The following HIP1 variants were observed in gnomAD, a reference collection of about 807,000 sequenced individuals.
HIP1 encodes the protein huntingtin interacting protein 1, also known as huntingtin-interacting protein 1.
A neutral mutation model predicts 147.6 loss-of-function variants in HIP1; 65 were observed. The observed-to-expected ratio is 0.44, with a 90% CI of 0.36 to 0.54. HIP1 has a LOEUF of 0.54. Among genes scored for constraint, HIP1 ranks in the 20% least tolerant of loss-of-function variants. The pLI, the probability that HIP1 is intolerant of heterozygous loss-of-function variation, is 0.00. For synonymous variants in HIP1, 479 were observed against 504.0 expected (o/e 0.95, Z 0.67); for missense variants, 1,061 against 1,299.6 (o/e 0.82, Z 2.82).
At chr7:75,580,956 G>C (rs1396096425) in intron 7 of HIP1, among the ~76,000 whole-genome samples, 1 of 152,124 alleles carries the variant, frequency 6.6e-6, no homozygotes, top group Non-Finnish European at 1.5e-5. Flanking sequence ...TGGCCAGGCT[G>C]GTCTTGAACT....
chr7:75,714,101 G>A (rs1205131743), intron 1 of HIP1, among the ~76,000 whole-genome samples: 10 of 146,114 alleles, frequency 6.8e-5, no homozygotes, highest in East Asian at 2.1e-4. Flanking sequence ...GTGCAGTGGC[G>A]CCATCTTGGC....
At chr7:75,615,950 A>G (rs71560478) in intron 1 of HIP1, among the ~76,000 whole-genome samples, 22,759 of 150,896 alleles carry the variant, frequency 0.15, 2,125 homozygotes, top group African/African-American at 0.24. Context: ...GCTGGGTGTG[A>G]TGGTGCGCAC....
intron 4 of HIP1, among the ~76,000 whole-genome samples, chr7:75,590,062 A>C (rs1219152346): frequency 1.3e-5 from 2 of 152,144 alleles, no homozygotes; most frequent in Non-Finnish European, 2.9e-5. Flanking sequence ...AAGCAAACAC[A>C]GTGTCAGCCA....
intron 21 of HIP1, 39 bp downstream of exon 21, chr7:75,554,074 C>T: frequency 1.3e-6 from 2 of 1,510,588 alleles, no homozygotes; most frequent in Admixed American, 3.4e-5. Context: ...CCCCCTGCTC[C>T]CCTGGTCCAT....
At chr7:75,714,966 C>T (rs1801271470) in intron 1 of HIP1, among the ~76,000 whole-genome samples, 1 of 152,242 alleles carries the variant, frequency 6.6e-6, no homozygotes, top group African/African-American at 2.4e-5. Context: ...GTTCCTTAGC[C>T]TTTCCTGCTC....
intron 1 of HIP1, among the ~76,000 whole-genome samples, chr7:75,633,582 G>A (rs781955200): frequency 6.6e-6 from 1 of 152,186 alleles, no homozygotes; most frequent in East Asian, 1.9e-4. Flanking sequence ...GTGAGCCACC[G>A]CGCACCTGGC....
At chr7:75,636,598 T>C (rs1798436826) in intron 1 of HIP1, among the ~76,000 whole-genome samples, 1 of 152,116 alleles carries the variant, frequency 6.6e-6, no homozygotes, top group South Asian at 2.1e-4. Context: ...CAGACACCAA[T>C]TCCCCAGGGT....
At chr7:75,623,639 GAC>G (rs1554507559) in intron 1 of HIP1, among the ~76,000 whole-genome samples, 1 of 152,202 alleles carries the variant, frequency 6.6e-6, no homozygotes. Flanking sequence ...TGCACTCAAG[GAC>G]CAGGCAAGTG....
chr7:75,578,584 A>T (rs1795925511), intron 7 of HIP1, among the ~76,000 whole-genome samples: 1 of 152,142 alleles, frequency 6.6e-6, no homozygotes, highest in Non-Finnish European at 1.5e-5. Flanking sequence ...AGGCTGAGGT[A>T]GGAGGATGGC....
At position 75,558,539 on chromosome 7, in the gene HIP1, G is replaced by A. The variant is rs75339823; in HGVS notation, c.1376-284C>T. ...AGACAGGGTCTCACTATGTTTTCCAGGCTGGTTTCAAACTCCTGGGCTCAG... is the reference window on the plus strand; with the variant it reads ...AGACAGGGTCTCACTATGTTTTCCAAGCTGGTTTCAAACTCCTGGGCTCAG... On this transcript the variant is annotated intron_variant, in intron 14 of 30. Transcript: ENST00000336926. Among the ~76,000 whole-genome samples the A allele has an allele frequency of 1.9e-4, 29 of 152,260 alleles. No homozygotes were observed. In the East Asian group the frequency reaches 5.2e-3, roughly 27 times the overall value.
At chr7:75,603,010 C>T (rs1180419310) in intron 1 of HIP1, among the ~76,000 whole-genome samples, 2 of 151,748 alleles carry the variant, frequency 1.3e-5, no homozygotes, top group Non-Finnish European at 2.9e-5. Flanking sequence ...AGTCTACAAG[C>T]CAAGGAATGC....
chr7:75,582,698 T>C (rs1196977854), intron 5 of HIP1, among the ~76,000 whole-genome samples: 3 of 152,062 alleles, frequency 2.0e-5, no homozygotes, highest in African/African-American at 7.2e-5. Flanking sequence ...TAGTCCCAGC[T>C]CCTTGGGAGG....
chr7:75,560,010 T>C, intron 13 of HIP1, 95 bp from the exon 14 acceptor site: 1 of 1,228,460 alleles, frequency 8.1e-7, no homozygotes, highest in Non-Finnish European at 1.1e-6. Context: ...TCCAAGTAAA[T>C]ACCTGATTCC....
At chr7:75,653,423 C>T (rs76058166) in intron 1 of HIP1, among the ~76,000 whole-genome samples, 5,084 of 151,716 alleles carry the variant, frequency 0.034, 139 homozygotes, top group East Asian at 0.16. Flanking sequence ...GAGGCTGAGG[C>T]GGGAGGATTG....
intron 1 of HIP1, among the ~76,000 whole-genome samples, chr7:75,607,589 T>A (rs1797279254): frequency 7.0e-6 from 1 of 143,354 alleles, no homozygotes; most frequent in Admixed American, 7.1e-5. Context: ...TAGTCCCAGG[T>A]ACTTGGGAGG....
chr7:75,650,453 C>CTT (rs782108312), intron 1 of HIP1, among the ~76,000 whole-genome samples: 7 of 126,530 alleles, frequency 5.5e-5, no homozygotes, highest in Middle Eastern at 4.8e-3. Context: ...GCCCAGTTAT[C>CTT]TTTTTTTTTT....
At chr7:75,544,321 C>T (rs56151856) in intron 27 of HIP1, among the ~76,000 whole-genome samples, 1 of 152,192 alleles carries the variant, frequency 6.6e-6, no homozygotes, top group Admixed American at 6.5e-5. Flanking sequence ...ACTATCTAAC[C>T]TAGCCAAGTA....
intron 1 of HIP1, among the ~76,000 whole-genome samples, chr7:75,680,920 C>T (rs1407452683): frequency 1.3e-5 from 2 of 152,016 alleles, no homozygotes; most frequent in African/African-American, 2.4e-5. Context: ...GGACTACAGG[C>T]GCCCACCACC....
In HIP1 at chr7:75,534,350, C is replaced by G. The variant is rs1794003861; in HGVS notation, c.*3822G>C. 9.4e-6 allele frequency: 2 copies of G among 213,872 alleles called. No individual in the cohort carries two copies. The highest frequency in any genetic ancestry group is 1.9e-5 in the Non-Finnish European group (2 of 106,010). The allele number at this position is 213,872 out of a possible 1,614,324, so 13.2% of individuals were successfully genotyped here. On this transcript the variant is annotated 3_prime_UTR_variant, in exon 31 of 31. Transcript: ENST00000336926. ...ATGGACGGCTGCATCAGCAGACAAT[C>G]TAAACTAGTCTCATTTAAACTCCTT...
Sources: allele counts gnomAD v4.1 joint callset (sites outside exome capture counted in the v4.1 genomes callset), GRCh38; gene constraint gnomAD v4.1.1; transcripts MANE v1.5; gene names NCBI Gene and HGNC (gene_info 2026-07-23, HGNC 2026-07-21).